Variants in SLC25A26 observed in about 807,000 individuals in gnomAD.
SLC25A26 encodes the protein mitochondrial S-adenosylmethionine carrier protein.
SLC25A26 carries 36 observed loss-of-function variants against 37.8 expected under a neutral mutation model. The observed-to-expected ratio is 0.95, with a 90% CI of 0.73 to 1.26. The LOEUF (loss-of-function observed/expected upper bound fraction) is 1.26, where lower values mean the gene tolerates loss of function less well. Ranked by LOEUF, SLC25A26 falls within the 50% of genes most tolerant of loss-of-function variation. SLC25A26 has a pLI of 0.00. For missense variants in SLC25A26, 390 were observed against 331.1 expected (o/e 1.18, Z -1.38); for synonymous variants, 129 against 122.5 (o/e 1.05, Z -0.35).
At chr3:66,306,684 G>A (rs921358738) in intron 5 of SLC25A26, among the ~76,000 whole-genome samples, 1 of 152,088 alleles carries the variant, frequency 6.6e-6, no homozygotes, top group African/African-American at 2.4e-5. Flanking sequence ...AGGCCCCAGT[G>A]TGAGATGTTC....
At chr3:66,376,175 A>G (rs1056430749) in intron 9 of SLC25A26, among the ~76,000 whole-genome samples, 1 of 151,826 alleles carries the variant, frequency 6.6e-6, no homozygotes, top group African/African-American at 2.4e-5. Context: ...TGGGTGAGCA[A>G]AGAAAGTGAT....
At position 66,352,912 on chromosome 3, in the gene SLC25A26, A is replaced by G. The variant is rs150675190; in HGVS notation, c.498+6504A>G. 4.5e-3 allele frequency among the ~76,000 whole-genome samples: 691 copies of G among 152,276 alleles called. 16 individuals carry two copies. The highest frequency in any genetic ancestry group is 0.04 in the East Asian group (205 of 5,188). Reference sequence around the variant, plus strand: ...TTCCCCTCCTCCCTCCTCTGTAATCATAACACCTATTTATTTCCGTACTGG... The same window carrying G: ...TTCCCCTCCTCCCTCCTCTGTAATCGTAACACCTATTTATTTCCGTACTGG... On this transcript the variant is annotated intron_variant, in intron 6 of 9. Coordinates refer to ENST00000354883, the MANE Select transcript of SLC25A26 (RefSeq NM_001379210.1).
chr3:66,313,454 T>G (rs777156408), intron 5 of SLC25A26, among the ~76,000 whole-genome samples: 2 of 152,140 alleles, frequency 1.3e-5, no homozygotes, highest in Non-Finnish European at 2.9e-5. Flanking sequence ...ATTTCTGAGT[T>G]CTTTATTCTA....
chr3:66,373,796 G>A (rs887470114), intron 9 of SLC25A26, among the ~76,000 whole-genome samples: 3 of 151,818 alleles, frequency 2.0e-5, no homozygotes, highest in African/African-American at 7.3e-5. Flanking sequence ...TAAACCCATA[G>A]CTAGCTAACT....
At chr3:66,254,204 C>G (rs781935558) in intron 3 of SLC25A26, among the ~76,000 whole-genome samples, 1 of 152,126 alleles carries the variant, frequency 6.6e-6, no homozygotes, top group South Asian at 2.1e-4. Flanking sequence ...AGCTGTAATT[C>G]CATTTATCAA....
At chr3:66,180,735 A>T (rs1036525801) in intron 1 of SLC25A26, among the ~76,000 whole-genome samples, 1 of 152,004 alleles carries the variant, frequency 6.6e-6, no homozygotes, top group Non-Finnish European at 1.5e-5. Flanking sequence ...CAGAGAGGGG[A>T]AGTAGACAAA....
intron 5 of SLC25A26, among the ~76,000 whole-genome samples, chr3:66,328,555 T>C (rs750035395): frequency 6.6e-6 from 1 of 152,200 alleles, no homozygotes; most frequent in African/African-American, 2.4e-5. Flanking sequence ...CACTTCTGTT[T>C]CCTATTTAAC....
chr3:66,256,247 T>G (rs1300107138), intron 3 of SLC25A26, among the ~76,000 whole-genome samples: 1 of 152,150 alleles, frequency 6.6e-6, no homozygotes, highest in East Asian at 1.9e-4. Context: ...TTCGTTGGAC[T>G]TATACCCAAT....
intron 1 of SLC25A26, among the ~76,000 whole-genome samples, chr3:66,209,894 C>CTCTATA (rs1553656243): frequency 5.3e-4 from 7 of 13,178 alleles, no homozygotes; most frequent in Non-Finnish European, 7.6e-4. Context: ...CTCTCTCTCT[C>CTCTATA]TATTTATATA....
At chr3:66,284,848 G>A (rs1337426743) in intron 5 of SLC25A26, among the ~76,000 whole-genome samples, 1 of 152,204 alleles carries the variant, frequency 6.6e-6, no homozygotes, top group Non-Finnish European at 1.5e-5. Flanking sequence ...GAATCTGGGT[G>A]AAGAATATGC....
intron 9 of SLC25A26, among the ~76,000 whole-genome samples, chr3:66,373,695 C>T (rs1700479851): frequency 6.7e-6 from 1 of 148,408 alleles, no homozygotes; most frequent in Non-Finnish European, 1.5e-5. Context: ...TTTTTTTAAG[C>T]AAGTGTAGTT....
intron 5 of SLC25A26, among the ~76,000 whole-genome samples, chr3:66,294,602 G>A (rs2074833405): frequency 1.3e-5 from 2 of 152,110 alleles, no homozygotes; most frequent in Non-Finnish European, 2.9e-5. Flanking sequence ...TGCGAGTCAA[G>A]GTGGAATTTG....
At chr3:66,276,869 C>T (rs1294188013) in intron 5 of SLC25A26, among the ~76,000 whole-genome samples, 5 of 147,474 alleles carry the variant, frequency 3.4e-5, no homozygotes, top group South Asian at 2.1e-4. Context: ...TATAGAAGAA[C>T]GCACTAGAGG....
intron 4 of SLC25A26, among the ~76,000 whole-genome samples, chr3:66,263,128 A>C (rs2073595138): frequency 6.6e-6 from 1 of 152,262 alleles, no homozygotes; most frequent in South Asian, 2.1e-4. Flanking sequence ...GAGCTCCCTT[A>C]GGAGCTAGTT....
intron 1 of SLC25A26, among the ~76,000 whole-genome samples, chr3:66,185,947 C>A (rs1380352154): frequency 6.6e-6 from 1 of 152,018 alleles, no homozygotes; most frequent in Non-Finnish European, 1.5e-5. Flanking sequence ...TCACATTCAC[C>A]CTGATGTCAA....
At chr3:66,352,785 C>T (rs904619374) in intron 6 of SLC25A26, among the ~76,000 whole-genome samples, 2 of 151,966 alleles carry the variant, frequency 1.3e-5, no homozygotes, top group Non-Finnish European at 2.9e-5. Flanking sequence ...ATCCCCCTTC[C>T]CCATACCTCT....
chr3:66,251,163 G>C (rs782552430), intron 3 of SLC25A26, among the ~76,000 whole-genome samples: 1 of 152,130 alleles, frequency 6.6e-6, no homozygotes, highest in Non-Finnish European at 1.5e-5. Flanking sequence ...CGAAGCAGGG[G>C]CTGAGAGCTA....
rs184938767 is a variant in SLC25A26 at position 66,144,864 on chromosome 3, A to C, written c.-354+10880A>C. Among the ~76,000 whole-genome samples the C allele has an allele frequency of 2.6e-5, 4 of 152,316 alleles. No homozygotes were observed. The East Asian group carries it at 7.7e-4, about 29-fold the overall frequency. The stretch of plus-strand genomic sequence containing the variant: ...AAAGTTCTGAGAAAATGTGGAGATC[A>C]TGACTCTAGACAACATTTACAAGAA... On this transcript the variant is annotated intron_variant, in intron 1 of 10. Transcript: ENST00000676754.
intron 3 of SLC25A26, among the ~76,000 whole-genome samples, chr3:66,260,156 C>T (rs2073467437): frequency 6.6e-6 from 1 of 152,118 alleles, no homozygotes; most frequent in East Asian, 1.9e-4. Flanking sequence ...GGACTAAATA[C>T]CCCTCCTCCA....
Sources: allele counts gnomAD v4.1 joint callset (sites outside exome capture counted in the v4.1 genomes callset), GRCh38; gene constraint gnomAD v4.1.1; transcripts MANE v1.5; gene names NCBI Gene and HGNC (gene_info 2026-07-23, HGNC 2026-07-21).